The following PALLD variants were observed in gnomAD, a reference collection of about 807,000 sequenced individuals.
PALLD encodes palladin, cytoskeletal associated protein.
PALLD carries 61 observed loss-of-function variants against 123.5 expected under a neutral mutation model. The ratio of observed to expected loss-of-function variants is 0.49; its 90% CI spans 0.40 to 0.61. PALLD has a LOEUF of 0.61. Among genes scored for constraint, PALLD ranks in the 20% least tolerant of loss-of-function variants. The pLI is 0.00. For synonymous variants in PALLD, 465 were observed against 496.4 expected, an observed-to-expected ratio of 0.94 and a Z score of 0.84; for missense variants, 1,273 against 1,377.0, an observed-to-expected ratio of 0.92 and a Z score of 1.20.
intron 10 of PALLD, among the ~76,000 whole-genome samples, chr4:168,777,951 A>G (rs1168348837): frequency 6.6e-6 from 1 of 152,196 alleles, no homozygotes; most frequent in Non-Finnish European, 1.5e-5. Context: ...TTTTATAATC[A>G]GTCCTGAAGA....
chr4:168,673,771 C>T (rs1343921674), intron 3 of PALLD, among the ~76,000 whole-genome samples: 1 of 152,078 alleles, frequency 6.6e-6, no homozygotes, highest in Non-Finnish European at 1.5e-5. Context: ...TCAGGGATGA[C>T]TCTGTGGATT....
chr4:168,690,703 G>A lies in PALLD; in HGVS notation c.1436G>A (p.Ser479Asn), dbSNP rs1468543712. Residue 479 changes from serine to asparagine, a missense_variant, in exon 7 of 22, where the codon AGT becomes AAT. By Grantham distance (46) the Ser-to-Asn change is conservative. Coordinates refer to ENST00000505667, the MANE Select transcript of PALLD (RefSeq NM_001166108.2). ...PLQVQWFRQGSEIQDSPDFRI... is the reference protein window; with the variant it reads ...PLQVQWFRQGNEIQDSPDFRI... ...CAGGTCCAGTGGTTTCGGCAAGGGA[G>A]TGAAATCCAAGACTCTCCAGATTTC... The A allele has an allele frequency of 6.2e-7, 1 of 1,614,104 alleles. No individual in the cohort carries two copies. Among genetic ancestry groups the A allele is most frequent in the African/African-American group, 1.3e-5 (1 of 74,940 alleles).
At chr4:168,610,568 C>G (rs960101522) in intron 2 of PALLD, among the ~76,000 whole-genome samples, 7 of 150,744 alleles carry the variant, frequency 4.6e-5, no homozygotes, top group Non-Finnish European at 7.3e-5. Context: ...TCACCACGTG[C>G]TCTTTAGCAG....
At chr4:168,750,601 GA>G (rs1419271996) in intron 10 of PALLD, among the ~76,000 whole-genome samples, 2 of 151,850 alleles carry the variant, frequency 1.3e-5, no homozygotes, top group Admixed American at 6.5e-5. Context: ...AAGCACTTTT[GA>G]AAAAAAGTCA....
In PALLD at chr4:168,921,651, C is replaced by A. The variant is rs764655963; in HGVS notation, c.2968C>A (p.Pro990Thr). Residue 990 changes from proline (P) to threonine (T), a missense_variant, in exon 18 of 22, where the codon CCA becomes ACA. Pro to Thr is a conservative substitution (Grantham distance 38). Coordinates refer to ENST00000505667, the MANE Select transcript of PALLD (RefSeq NM_001166108.2). ...CGGGGTGCACTCTCTGATCATAGAG[C>A]CAGTCACGTCACGTGATGCCGGCAT... ...ENGVHSLIIE[P>T]VTSRDAGIYT... The A allele has an allele frequency of 6.2e-7, 1 of 1,609,890 alleles. No homozygotes were observed. Among genetic ancestry groups the A allele is most frequent in the East Asian group, 2.2e-5 (1 of 44,692 alleles).
chr4:168,600,028 C>CATATAT (rs879383856), intron 2 of PALLD, among the ~76,000 whole-genome samples: 1,827 of 123,578 alleles, frequency 0.015, 159 homozygotes, highest in African/African-American at 0.055. Context: ...TGTGTACACA[C>CATATAT]ACATACATAC....
intron 10 of PALLD, among the ~76,000 whole-genome samples, chr4:168,850,598 G>A (rs577304519): frequency 3.8e-5 from 5 of 132,898 alleles, no homozygotes; most frequent in South Asian, 2.4e-4. Context: ...GCAATGGTGC[G>A]ATCTTGGCTC....
intron 2 of PALLD, among the ~76,000 whole-genome samples, chr4:168,531,424 A>G (rs1764586405): frequency 6.6e-6 from 1 of 152,256 alleles, no homozygotes; most frequent in Non-Finnish European, 1.5e-5. Flanking sequence ...ATCCTAAACC[A>G]GAGGAGTGAT....
intron 10 of PALLD, among the ~76,000 whole-genome samples, chr4:168,792,458 T>C (rs991333537): frequency 6.6e-6 from 1 of 152,074 alleles, no homozygotes; most frequent in Non-Finnish European, 1.5e-5. Flanking sequence ...ACTCTGAGTC[T>C]CTCTATGACT....
intron 17 of PALLD, among the ~76,000 whole-genome samples, chr4:168,918,492 CATAGT>C (rs1052771633): frequency 3.9e-5 from 6 of 152,132 alleles, no homozygotes; most frequent in African/African-American, 1.2e-4. Flanking sequence ...AAGTTGAACT[CATAGT>C]AGAGAATAGA....
chr4:168,593,436 C>CAAAAAAAAAAAAAAAAAAAAAAAA (rs771493669), intron 2 of PALLD, among the ~76,000 whole-genome samples: 1 of 103,312 alleles, frequency 9.7e-6, no homozygotes, highest in Non-Finnish European at 2.0e-5. Context: ...AGTCACCAGG[C>CAAAAAAAAAAAAAAAAAAAAAAAA]AAAAAAAAAA....
At chr4:168,727,152 G>A (rs1166198674) in intron 10 of PALLD, among the ~76,000 whole-genome samples, 3 of 152,166 alleles carry the variant, frequency 2.0e-5, no homozygotes, top group Admixed American at 2.0e-4. Context: ...TTGACTCTAT[G>A]TCTTTGCTAC....
At chr4:168,845,008 C>G (rs1006277499) in intron 10 of PALLD, among the ~76,000 whole-genome samples, 1 of 151,996 alleles carries the variant, frequency 6.6e-6, no homozygotes, top group Non-Finnish European at 1.5e-5. Context: ...AGGAGAGAAC[C>G]AAGAGCTGAG....
intron 2 of PALLD, among the ~76,000 whole-genome samples, chr4:168,629,018 T>C (rs1309242885): frequency 7.1e-6 from 1 of 140,864 alleles, no homozygotes; most frequent in Non-Finnish European, 1.5e-5. Flanking sequence ...GCCTATAGTA[T>C]TTTTTTTTTT....
At chr4:168,804,746 A>G (rs1739889232) in intron 10 of PALLD, among the ~76,000 whole-genome samples, 1 of 152,248 alleles carries the variant, frequency 6.6e-6, no homozygotes, top group Non-Finnish European at 1.5e-5. Flanking sequence ...AATCTTTGTC[A>G]ATGTCCTAAA....
intron 2 of PALLD, among the ~76,000 whole-genome samples, chr4:168,636,922 T>G (rs1403607275): frequency 6.6e-6 from 1 of 152,098 alleles, no homozygotes; most frequent in Non-Finnish European, 1.5e-5. Context: ...TGTTCAGCCC[T>G]GAGATCAATA....
At chr4:168,600,063 A>G (rs974892481) in intron 2 of PALLD, among the ~76,000 whole-genome samples, 6 of 147,140 alleles carry the variant, frequency 4.1e-5, no homozygotes, top group Non-Finnish European at 8.9e-5. Context: ...ATATATACAT[A>G]CATGTGTATA....
rs1377548224 is a variant in PALLD at position 168,853,154 on chromosome 4, A to G, written c.1965-37768A>G. Among the ~76,000 whole-genome samples, 5 of 152,264 alleles carry G rather than the reference A, an allele frequency of 3.3e-5. No homozygotes were observed. In the East Asian group the frequency reaches 9.6e-4, roughly 29 times the overall value. On this transcript the variant is annotated intron_variant, in intron 10 of 21. Coordinates refer to ENST00000505667, the MANE Select transcript of PALLD (RefSeq NM_001166108.2). Reference sequence around the variant, plus strand: ...ATAGCAACATCTGAGAGGACTTCATATATGAGCATCTCACAGAGTAACTTT... The same window carrying G: ...ATAGCAACATCTGAGAGGACTTCATGTATGAGCATCTCACAGAGTAACTTT...
At chr4:168,506,819 T>C (rs879392566) in intron 1 of PALLD, among the ~76,000 whole-genome samples, 16 of 152,226 alleles carry the variant, frequency 1.1e-4, no homozygotes, top group Admixed American at 8.5e-4. Flanking sequence ...ACACCGAAAG[T>C]GCTGTTGCAA....
Sources: gnomAD v4.1 joint callset for allele counts (sites outside exome capture counted in the v4.1 genomes callset) on GRCh38, gnomAD v4.1.1 for gene constraint, MANE v1.5 for transcripts, NCBI Gene and HGNC (gene_info 2026-07-23, HGNC 2026-07-21) for gene names.